The following PDE4D variants were observed in gnomAD, a reference collection of about 807,000 sequenced individuals.
PDE4D encodes the protein 3',5'-cyclic-AMP phosphodiesterase 4D.
Under a neutral mutation model 87.4 loss-of-function variants are expected in PDE4D, and 24 were observed. The ratio of observed to expected loss-of-function variants is 0.27; its 90% CI spans 0.20 to 0.39. The LOEUF is 0.39. Ranked by LOEUF, PDE4D falls within the 10% of genes least tolerant of loss-of-function variation. The pLI, the probability that PDE4D is intolerant of heterozygous loss-of-function variation, is 1.00. For missense variants in PDE4D, 714 were observed against 1,041.0 expected, an observed-to-expected ratio of 0.69 and a Z score of 4.32; for synonymous variants, 384 against 383.2, an observed-to-expected ratio of 1.00 and a Z score of -0.02.
intron 5 of PDE4D, among the ~76,000 whole-genome samples, chr5:59,130,811 C>T (rs1776155249): frequency 6.6e-6 from 1 of 152,194 alleles, no homozygotes; most frequent in African/African-American, 2.4e-5. Context: ...CAATCAATAC[C>T]TTAGTCAACT....
intron 1 of PDE4D, among the ~76,000 whole-genome samples, chr5:60,354,220 G>A (rs531099045): frequency 6.6e-6 from 1 of 152,192 alleles, no homozygotes; most frequent in South Asian, 2.1e-4. Flanking sequence ...GACTATTTAA[G>A]AAACATTATT....
chr5:59,655,662 T>C (rs540755541), intron 1 of PDE4D, among the ~76,000 whole-genome samples: 1 of 152,296 alleles, frequency 6.6e-6, no homozygotes, highest in Admixed American at 6.5e-5. Flanking sequence ...GTTTTTAGCT[T>C]CTGTCTCTGT....
In PDE4D at chr5:60,111,213, T is replaced by C. The variant is rs113734449; in HGVS notation, c.42+74344A>G. Reference sequence around the variant, plus strand: ...ATGTTTGAGGTGATGTATACGCTAATTACCCTGATTTGATCATTACACATT... The same window carrying C: ...ATGTTTGAGGTGATGTATACGCTAACTACCCTGATTTGATCATTACACATT... On this transcript the variant is annotated intron_variant, in intron 2 of 16. Coordinates refer to the PDE4D transcript ENST00000502484. Among the ~76,000 whole-genome samples, 1,123 of 152,134 alleles carry C rather than the reference T, an allele frequency of 7.4e-3. 12 individuals are homozygous for C. Among genetic ancestry groups the C allele is most frequent in the African/African-American group, 0.026 (1,069 of 41,532 alleles).
At chr5:60,518,861 AT>A (rs1228550777) in intron 1 of PDE4D, among the ~76,000 whole-genome samples, 4 of 152,178 alleles carry the variant, frequency 2.6e-5, no homozygotes, top group African/African-American at 9.7e-5. Flanking sequence ...CTCCTACCTT[AT>A]TTTGGGAAAT....
At chr5:60,048,948 T>C (rs1461121930) in intron 2 of PDE4D, among the ~76,000 whole-genome samples, 1 of 152,230 alleles carries the variant, frequency 6.6e-6, no homozygotes, top group Non-Finnish European at 1.5e-5. Context: ...CTGGATAATA[T>C]CCTGCAGAGT....
rs942591619 is a variant in PDE4D at position 58,974,796 on chromosome 5, C to T, written c.2298G>A (p.Lys766=). The change falls in exon 15 of 15, where the codon AAG becomes AAA. Residue 766 remains lysine (K), a synonymous_variant. Coordinates refer to ENST00000340635, the MANE Select transcript of PDE4D (RefSeq NM_001104631.2). ...VEEDTSCSDS[K]TLCTQDSEST... is the part of the protein sequence containing the mutation. ...ACTCTGAGTCTTGAGTACAAAGAGT[C>T]TTGGAGTCACTGCAGCTAGTGTCTT... 6.2e-7 allele frequency: 1 copy of T among 1,613,586 alleles called. No individual in the cohort carries two copies. The highest frequency in any genetic ancestry group is 1.3e-5 in the African/African-American group (1 of 74,888).
intron 1 of PDE4D, among the ~76,000 whole-genome samples, chr5:59,837,267 C>T (rs1276786469): frequency 6.6e-6 from 1 of 152,068 alleles, no homozygotes; most frequent in African/African-American, 2.4e-5. Context: ...AACTATCTGT[C>T]TAATTCTACC....
chr5:59,820,735 A>T (rs1318969752), intron 1 of PDE4D, among the ~76,000 whole-genome samples: 3 of 152,200 alleles, frequency 2.0e-5, no homozygotes, highest in Non-Finnish European at 4.4e-5. Context: ...TCCTCTTGAC[A>T]TGGTAGCGCT....
intron 1 of PDE4D, among the ~76,000 whole-genome samples, chr5:59,419,835 T>A (rs1438085217): frequency 2.0e-5 from 3 of 152,218 alleles, no homozygotes; most frequent in African/African-American, 7.2e-5. Context: ...TCTTAGATTA[T>A]GTGGCAAGAA....
chr5:59,949,085 T>C (rs1581868119), intron 3 of PDE4D, among the ~76,000 whole-genome samples: 1 of 151,960 alleles, frequency 6.6e-6, no homozygotes, highest in Non-Finnish European at 1.5e-5. Context: ...GAATGATGTA[T>C]ATGTGTGCAT....
Position 59,180,707 on chromosome 5 carries a change from T to C in PDE4D, c.759-63A>G. On this transcript the variant is annotated intron_variant, in intron 4 of 14. Transcript: ENST00000340635. ...GGGGCTTATTGATTTGATCACTCTC[T>C]GAGTCATTTCAGATATAGCATTTTA... 5.6e-6 allele frequency: 8 copies of C among 1,416,836 alleles called. No individual in the cohort carries two copies. The South Asian group carries it at 9.6e-5, about 17-fold the overall frequency. 87.8% of individuals were successfully genotyped at this position (1,416,836 alleles called of 1,614,324 possible).
intron 1 of PDE4D, among the ~76,000 whole-genome samples, chr5:59,338,091 A>G (rs142007735): frequency 6.6e-6 from 1 of 152,332 alleles, no homozygotes; most frequent in African/African-American, 2.4e-5. Context: ...AACCTCTCAA[A>G]TATTCTTTAA....
intron 1 of PDE4D, among the ~76,000 whole-genome samples, chr5:59,651,547 G>A (rs981248056): frequency 3.0e-4 from 46 of 151,928 alleles, no homozygotes; most frequent in African/African-American, 1.1e-3. Context: ...GAGTACTTGG[G>A]TCATTCAATA....
intron 3 of PDE4D, chr5:59,986,760 GT>G (rs1762491149): frequency 6.6e-6 from 1 of 152,140 alleles, no homozygotes; most frequent in South Asian, 2.1e-4. Context: ...AAATAATGTG[GT>G]TTATGCTGCA....
At chr5:59,742,786 T>G (rs1289418066) in intron 1 of PDE4D, among the ~76,000 whole-genome samples, 2 of 152,232 alleles carry the variant, frequency 1.3e-5, no homozygotes, top group African/African-American at 4.8e-5. Context: ...ATAGAAGTAT[T>G]CTTTCACATT....
intron 1 of PDE4D, among the ~76,000 whole-genome samples, chr5:59,422,291 C>A (rs1280708303): frequency 6.6e-6 from 1 of 152,078 alleles, no homozygotes; most frequent in Non-Finnish European, 1.5e-5. Flanking sequence ...AATTTCTTCC[C>A]TTAGGGGCCC....
intron 1 of PDE4D, among the ~76,000 whole-genome samples, chr5:60,294,292 A>C (rs1374233376): frequency 1.3e-5 from 2 of 152,148 alleles, no homozygotes; most frequent in Non-Finnish European, 2.9e-5. Flanking sequence ...TTTGGTCTTT[A>C]TCTTATTAAT....
At chr5:60,418,779 C>T (rs1410922608) in intron 1 of PDE4D, among the ~76,000 whole-genome samples, 1 of 152,048 alleles carries the variant, frequency 6.6e-6, no homozygotes, top group Non-Finnish European at 1.5e-5. Context: ...AAATAAGTTA[C>T]TAACTCTAGT....
At chr5:59,590,862 A>T (rs1340018993) in intron 1 of PDE4D, among the ~76,000 whole-genome samples, 1 of 152,218 alleles carries the variant, frequency 6.6e-6, no homozygotes, top group Admixed American at 6.5e-5. Flanking sequence ...TCATTGAAAG[A>T]TCGCTTAATG....
Sources: gnomAD v4.1 joint callset for allele counts (sites outside exome capture counted in the v4.1 genomes callset) on GRCh38, gnomAD v4.1.1 for gene constraint, MANE v1.5 for transcripts, NCBI Gene and HGNC (gene_info 2026-07-23, HGNC 2026-07-21) for gene names.